Variants in RASA2 observed in about 807,000 individuals in gnomAD.
The protein encoded by RASA2 is ras GTPase-activating protein 2.
A neutral mutation model predicts 118.2 loss-of-function variants in RASA2; 155 were observed. The observed-to-expected ratio is 1.31, with a 90% CI of 1.15 to 1.50. RASA2 has a LOEUF of 1.50. RASA2 is among the 40% of genes most tolerant of loss of function. The probability of loss-of-function intolerance (pLI) is 0.00; values close to 1 mark genes in which losing one functional copy is unlikely to be tolerated. For missense variants in RASA2, 1,016 were observed against 1,009.6 expected, an observed-to-expected ratio of 1.01 and a Z score of -0.09; for synonymous variants, 353 against 349.1, an observed-to-expected ratio of 1.01 and a Z score of -0.12.
intron 1 of RASA2, among the ~76,000 whole-genome samples, chr3:141,508,866 G>T: frequency 6.6e-6 from 1 of 151,814 alleles, no homozygotes. Flanking sequence ...ACCAGAATTG[G>T]CTAGAGTTCA....
At chr3:141,604,933 A>G (rs2083523782) in intron 19 of RASA2, among the ~76,000 whole-genome samples, 1 of 152,004 alleles carries the variant, frequency 6.6e-6, no homozygotes, top group Non-Finnish European at 1.5e-5. Flanking sequence ...AAATAAATAA[A>G]TAAATAAATT....
At chr3:141,557,284 A>AC (rs1377171572) in intron 7 of RASA2, among the ~76,000 whole-genome samples, 1 of 152,232 alleles carries the variant, frequency 6.6e-6, no homozygotes, top group Non-Finnish European at 1.5e-5. Context: ...CACAAAGCAG[A>AC]CATATGTATG....
rs1350952193 is a variant in RASA2 at position 141,576,960 on chromosome 3, T to A, written c.1484-40T>A. The A allele has an allele frequency of 7.0e-6, 9 of 1,293,130 alleles. No individual in the cohort carries two copies. In the South Asian group the frequency reaches 1.1e-4, roughly 16 times the overall value. 80.1% of individuals were successfully genotyped at this position (1,293,130 alleles called of 1,614,324 possible). A position where few individuals can be genotyped will look rare whatever the true frequency, so the allele number is the denominator to read the frequency against. ...TTAATTTATCATCTTTGTTTTTTAA[T>A]TGTTTTTGTGCATGACATTTCACCA... On this transcript the variant is annotated intron_variant, in intron 14 of 23. Coordinates refer to ENST00000286364, the MANE Select transcript of RASA2 (RefSeq NM_006506.5).
intron 19 of RASA2, among the ~76,000 whole-genome samples, chr3:141,603,635 T>C (rs925125483): frequency 1.2e-4 from 18 of 152,142 alleles, no homozygotes; most frequent in African/African-American, 3.4e-4. Flanking sequence ...CCTTTTAAGG[T>C]ATACAGTTGA....
intron 3 of RASA2, chr3:141,525,453 A>AT (rs985041694): frequency 5.9e-5 from 9 of 151,686 alleles, no homozygotes; most frequent in Admixed American, 2.0e-4. Context: ...GATGTGTTTG[A>AT]TTTTTTTTGA....
At chr3:141,502,345 A>C (rs1368758229) in intron 1 of RASA2, among the ~76,000 whole-genome samples, 1 of 152,144 alleles carries the variant, frequency 6.6e-6, no homozygotes, top group Non-Finnish European at 1.5e-5. Context: ...CTTTTCCTGA[A>C]GTATGAACCA....
intron 19 of RASA2, among the ~76,000 whole-genome samples, chr3:141,595,392 G>A (rs1349771723): frequency 1.3e-5 from 2 of 152,138 alleles, no homozygotes; most frequent in Non-Finnish European, 2.9e-5. Context: ...AGCACAGATA[G>A]GTTGAAAGTA....
rs1234903519 is a variant in RASA2 at position 141,600,691 on chromosome 3, AT to A, written c.1934-6986del. On this transcript the variant is annotated intron_variant, in intron 19 of 23. Transcript: ENST00000286364. Reference sequence around the variant, plus strand: ...CCACAACTAGAGTCCCACCACTTTGATCTGCCTTTTAGATAAGTATTTTTTA... The same window carrying A: ...CCACAACTAGAGTCCCACCACTTTGACTGCCTTTTAGATAAGTATTTTTTA... The A allele has an allele frequency of 7.4e-4, 114 of 154,710 alleles. 1 individual carries two copies. The highest frequency in any genetic ancestry group is 4.3e-5 in the Non-Finnish European group (3 of 69,468). The allele number at this position is 154,710 out of a possible 1,614,324, so 9.6% of individuals were successfully genotyped here. A position where few individuals can be genotyped will look rare whatever the true frequency, so the allele number is the denominator to read the frequency against.
intron 7 of RASA2, among the ~76,000 whole-genome samples, chr3:141,556,678 A>T (rs2082654841): frequency 6.6e-6 from 1 of 152,214 alleles, no homozygotes; most frequent in African/African-American, 2.4e-5. Context: ...GTATTCTAAT[A>T]AAGCATGTTG....
intron 1 of RASA2, among the ~76,000 whole-genome samples, chr3:141,487,719 G>A (rs2081595499): frequency 6.6e-6 from 1 of 152,144 alleles, no homozygotes; most frequent in Admixed American, 6.5e-5. Flanking sequence ...GGAGGGGGCT[G>A]TTCGTTTCCT....
intron 17 of RASA2, among the ~76,000 whole-genome samples, chr3:141,582,885 T>C (rs567222713): frequency 2.8e-4 from 43 of 152,244 alleles, no homozygotes; most frequent in Non-Finnish European, 5.3e-4. Context: ...CTGCAGAGTT[T>C]AGAAAGGATA....
chr3:141,571,130 A>T, intron 10 of RASA2, 62 bp downstream of exon 10: 1 of 1,481,732 alleles, frequency 6.7e-7, no homozygotes, highest in Non-Finnish European at 9.1e-7. Flanking sequence ...TCTATAAATG[A>T]TAAGGAAAAG....
At chr3:141,595,197 G>A (rs1436264216) in intron 19 of RASA2, among the ~76,000 whole-genome samples, 2 of 152,084 alleles carry the variant, frequency 1.3e-5, no homozygotes, top group African/African-American at 4.8e-5. Context: ...GAACAGAGGA[G>A]CAAAAATCAG....
intron 4 of RASA2, among the ~76,000 whole-genome samples, chr3:141,537,594 C>G (rs953404951): frequency 2.0e-5 from 3 of 152,090 alleles, no homozygotes; most frequent in Non-Finnish European, 4.4e-5. Flanking sequence ...CATGGTGAAA[C>G]CGTGTCTCTA....
intron 4 of RASA2, among the ~76,000 whole-genome samples, chr3:141,534,312 A>G (rs1197522953): frequency 6.6e-6 from 1 of 152,176 alleles, no homozygotes; most frequent in African/African-American, 2.4e-5. Context: ...AGGCAGACAG[A>G]TTGCTTGAGC....
chr3:141,607,800 C>A, intron 20 of RASA2, 40 bp downstream of exon 20: 2 of 1,510,724 alleles, frequency 1.3e-6, no homozygotes, highest in Admixed American at 2.3e-5. Flanking sequence ...TTCTGAACTG[C>A]ATATATTACT....
chr3:141,581,795 T>C (rs1211825935), intron 17 of RASA2, among the ~76,000 whole-genome samples: 1 of 152,186 alleles, frequency 6.6e-6, no homozygotes, highest in African/African-American at 2.4e-5. Context: ...AAACCTGTAG[T>C]ATATAATATC....
At chr3:141,535,894 G>C (rs1444952636) in intron 4 of RASA2, among the ~76,000 whole-genome samples, 2 of 152,098 alleles carry the variant, frequency 1.3e-5, no homozygotes, top group African/African-American at 4.8e-5. Flanking sequence ...CATGAGATTT[G>C]GAGGGACAAA....
intron 9 of RASA2, among the ~76,000 whole-genome samples, chr3:141,564,725 C>T (rs571017191): frequency 1.6e-4 from 24 of 152,230 alleles, no homozygotes; most frequent in African/African-American, 5.8e-4. Flanking sequence ...GATGAAAACC[C>T]TATGGTAAAT....
Sources: gnomAD v4.1 joint callset for allele counts (sites outside exome capture counted in the v4.1 genomes callset) on GRCh38, gnomAD v4.1.1 for gene constraint, MANE v1.5 for transcripts, NCBI Gene and HGNC (gene_info 2026-07-23, HGNC 2026-07-21) for gene names.